The following OSBPL1A variants were observed in gnomAD, a reference collection of about 807,000 sequenced individuals.
OSBPL1A encodes the protein oxysterol binding protein like 1A.
OSBPL1A carries 80 observed loss-of-function variants against 137.1 expected under a neutral mutation model. The observed-to-expected ratio is 0.58, with a 90% CI of 0.49 to 0.70. The LOEUF (loss-of-function observed/expected upper bound fraction) is 0.70. Among genes scored for constraint, OSBPL1A ranks in the 30% least tolerant of loss-of-function variants. OSBPL1A has a pLI of 0.00. For missense variants in OSBPL1A, 970 were observed against 1,129.4 expected, an observed-to-expected ratio of 0.86 and a Z score of 2.02; for synonymous variants, 365 against 389.7, an observed-to-expected ratio of 0.94 and a Z score of 0.75.
intron 13 of OSBPL1A, among the ~76,000 whole-genome samples, chr18:24,310,222 G>A (rs2146110851): frequency 6.6e-6 from 1 of 151,994 alleles, no homozygotes; most frequent in Middle Eastern, 3.4e-3. Flanking sequence ...GTTAACATGT[G>A]AACAAAACAT....
intron 4 of OSBPL1A, among the ~76,000 whole-genome samples, chr18:24,363,977 C>A (rs1435626053): frequency 6.6e-6 from 1 of 151,934 alleles, no homozygotes; most frequent in East Asian, 1.9e-4. Context: ...TACAATGGGC[C>A]CACCGAGATA....
intron 17 of OSBPL1A, among the ~76,000 whole-genome samples, chr18:24,221,277 T>C (rs1444519366): frequency 1.3e-5 from 2 of 152,224 alleles, no homozygotes; most frequent in African/African-American, 2.4e-5. Flanking sequence ...ATGCTTCATG[T>C]GCAGTGACAA....
At chr18:24,366,995 A>C (rs761585426) in intron 3 of OSBPL1A, 29 bp from the exon 4 acceptor site, 12 of 1,558,544 alleles carry the variant, frequency 7.7e-6, no homozygotes, top group Non-Finnish European at 1.0e-5. Context: ...TTAAATACCA[A>C]GAAATATACA....
intron 4 of OSBPL1A, chr18:24,366,411 CG>C (rs1568057051): frequency 6.6e-6 from 1 of 152,182 alleles, no homozygotes; most frequent in African/African-American, 2.4e-5. Flanking sequence ...TTGCAAAGTT[CG>C]GCTGAAAGTC....
At chr18:24,255,812 A>G (rs1472145767) in intron 15 of OSBPL1A, among the ~76,000 whole-genome samples, 3 of 145,690 alleles carry the variant, frequency 2.1e-5, no homozygotes, top group Admixed American at 7.0e-5. Context: ...GCTGGAGTGC[A>G]GTGGTGCGCT....
At chr18:24,212,353 C>T (rs1053831981) in intron 17 of OSBPL1A, among the ~76,000 whole-genome samples, 2 of 152,014 alleles carry the variant, frequency 1.3e-5, no homozygotes, top group African/African-American at 2.4e-5. Context: ...ACACCACGCC[C>T]GGCCTTCAAA....
At position 24,311,566 on chromosome 18, in the gene OSBPL1A, G is replaced by T. The variant is rs555455026; in HGVS notation, c.1092+418C>A. The T allele has an allele frequency of 1.1e-3, 1,029 of 932,664 alleles. 3 individuals carry two copies. In the Middle Eastern group the frequency reaches 0.013, roughly 12 times the overall value. The allele number at this position is 932,664 out of a possible 1,614,324, so 57.8% of individuals were successfully genotyped here. On this transcript the variant is annotated intron_variant, in intron 13 of 27. Transcript: ENST00000319481. ...GCAACCAAGCTACAGATTACAAGTG[G>T]TTTTAAAGGAAACCTACCAACCAGG...
intron 4 of OSBPL1A, among the ~76,000 whole-genome samples, chr18:24,356,763 T>TA (rs1004723749): frequency 2.6e-5 from 4 of 152,112 alleles, no homozygotes; most frequent in Admixed American, 6.5e-5. Flanking sequence ...GTGCCACCCT[T>TA]AAAAACCTAA....
intron 27 of OSBPL1A, 30 bp from the exon 28 acceptor site, chr18:24,163,311 G>C (rs1273399868): frequency 6.7e-7 from 1 of 1,493,104 alleles, no homozygotes; most frequent in Non-Finnish European, 9.2e-7. Context: ...AAGACTTACA[G>C]GGGAAACTAT....
intron 4 of OSBPL1A, among the ~76,000 whole-genome samples, chr18:24,350,446 T>C (rs1415580786): frequency 6.6e-6 from 1 of 152,102 alleles, no homozygotes. Flanking sequence ...AGGTTATCTG[T>C]CATTCTTTTT....
intron 4 of OSBPL1A, among the ~76,000 whole-genome samples, chr18:24,343,432 T>C (rs2091300670): frequency 6.6e-6 from 1 of 152,178 alleles, no homozygotes; most frequent in African/African-American, 2.4e-5. Flanking sequence ...ATGCAATCCC[T>C]ATCAAATACT....
At chr18:24,352,142 C>A (rs932563025) in intron 4 of OSBPL1A, among the ~76,000 whole-genome samples, 6 of 151,928 alleles carry the variant, frequency 3.9e-5, no homozygotes, top group African/African-American at 1.2e-4. Flanking sequence ...CTCGTCTCTA[C>A]AAAAAGCATA....
At chr18:24,334,727 T>C (rs999356012) in intron 5 of OSBPL1A, among the ~76,000 whole-genome samples, 1 of 152,190 alleles carries the variant, frequency 6.6e-6, no homozygotes, top group Non-Finnish European at 1.5e-5. Context: ...CGTATAAATA[T>C]ATGCAGACAT....
intron 7 of OSBPL1A, among the ~76,000 whole-genome samples, chr18:24,327,478 C>CA (rs2091002830): frequency 6.6e-6 from 1 of 151,946 alleles, no homozygotes; most frequent in South Asian, 2.1e-4. Flanking sequence ...AGCATGATCT[C>CA]AGCTCACTGC....
At chr18:24,286,307 C>A (rs1166768576) in intron 14 of OSBPL1A, among the ~76,000 whole-genome samples, 1 of 152,130 alleles carries the variant, frequency 6.6e-6, no homozygotes, top group East Asian at 1.9e-4. Context: ...AAAACTATAA[C>A]TTGAAAAATA....
intron 15 of OSBPL1A, among the ~76,000 whole-genome samples, chr18:24,277,414 G>A (rs1402659381): frequency 6.6e-6 from 1 of 152,222 alleles, no homozygotes; most frequent in Non-Finnish European, 1.5e-5. Context: ...CTGCTGTGGG[G>A]GCTGGGGTCA....
At chr18:24,375,928 A>C (rs1046962103) in intron 2 of OSBPL1A, among the ~76,000 whole-genome samples, 7 of 152,074 alleles carry the variant, frequency 4.6e-5, no homozygotes, top group Non-Finnish European at 1.0e-4. Flanking sequence ...TACAGCTCTT[A>C]AGGCGGCGCG....
At chr18:24,179,352 A>C (rs755484898) in intron 20 of OSBPL1A, 1 of 164,086 alleles carries the variant, frequency 6.1e-6, no homozygotes, top group Non-Finnish European at 1.3e-5. Context: ...ATGACGAGTT[A>C]ATGGGTGCAG....
intron 26 of OSBPL1A, 27 bp from the exon 27 acceptor site, chr18:24,165,182 A>G (rs1176970405): frequency 1.3e-6 from 2 of 1,595,520 alleles, no homozygotes; most frequent in Non-Finnish European, 8.6e-7. Context: ...AACACAAACC[A>G]TTAACACTCT....
Sources: gnomAD v4.1 joint callset for allele counts (sites outside exome capture counted in the v4.1 genomes callset) on GRCh38, gnomAD v4.1.1 for gene constraint, MANE v1.5 for transcripts, NCBI Gene and HGNC (gene_info 2026-07-23, HGNC 2026-07-21) for gene names.